The following PPP1R17 variants were observed in gnomAD, a reference collection of about 807,000 sequenced individuals.
PPP1R17 encodes the protein protein phosphatase 1 regulatory subunit 17.
A neutral mutation model predicts 15.9 loss-of-function variants in PPP1R17; 12 were observed. The observed-to-expected ratio is 0.75, with a 90% CI of 0.48 to 1.22. The LOEUF is 1.22. Ranked by LOEUF, PPP1R17 falls within the 50% of genes most tolerant of loss-of-function variation. PPP1R17 has a pLI of 0.00. For synonymous variants in PPP1R17, 63 were observed against 64.5 expected, an observed-to-expected ratio of 0.98 and a Z score of 0.11; for missense variants, 211 against 187.3, an observed-to-expected ratio of 1.13 and a Z score of -0.74.
intron 4 of PPP1R17, among the ~76,000 whole-genome samples, chr7:31,700,718 C>T (rs921826346): frequency 1.3e-5 from 2 of 152,020 alleles, no homozygotes; most frequent in Non-Finnish European, 2.9e-5. Flanking sequence ...GGGATAATGC[C>T]CCGGTGACTT....
rs528677885 is a variant in PPP1R17 at position 31,703,950 on chromosome 7, A to G, written c.389-3254A>G. Among the ~76,000 whole-genome samples the G allele has an allele frequency of 1.6e-4, 24 of 152,320 alleles. 2 individuals carry two copies. The South Asian group carries it at 5.0e-3, about 32-fold the overall frequency. ...TAGCCTACAGTTGCCAGGGGCCCTC[A>G]TCGCAGTGACTGCATGGCAGAAAGC... On this transcript the variant is annotated intron_variant, in intron 4 of 4. Coordinates refer to ENST00000342032, the MANE Select transcript of PPP1R17 (RefSeq NM_006658.5).
At chr7:31,687,841 C>T (rs949321897) in intron 1 of PPP1R17, among the ~76,000 whole-genome samples, 19 of 152,168 alleles carry the variant, frequency 1.2e-4, no homozygotes, top group African/African-American at 4.6e-4. Flanking sequence ...TGGATACAAC[C>T]TTCTACCCTT....
chr7:31,707,204 G>T lies in PPP1R17; in HGVS notation c.389G>T (p.Gly130Val), dbSNP rs1562707507. The T allele has an allele frequency of 6.2e-7, 1 of 1,613,448 alleles. No individual in the cohort carries two copies. The highest frequency in any genetic ancestry group is 8.5e-7 in the Non-Finnish European group (1 of 1,179,598). ...TGCAGGTCTGTGCTTTGTTTTGCAG[G>T]TGTGACATTGCTCAGGGACGAGAGA... ...PALHMSPFAA[G>V]VTLLRDERPK... The change falls in exon 5 of 5, where the codon GGT becomes GTT. Residue 130 changes from glycine to valine, a missense_variant and splice_region_variant. Coordinates refer to ENST00000342032, the MANE Select transcript of PPP1R17 (RefSeq NM_006658.5).
chr7:31,687,727 G>A (rs1424102168), intron 1 of PPP1R17, among the ~76,000 whole-genome samples: 3 of 152,130 alleles, frequency 2.0e-5, no homozygotes, highest in Non-Finnish European at 4.4e-5. Context: ...TTAAAAGACG[G>A]TACTTTTTGA....
chr7:31,699,757 T>A (rs146109027), intron 4 of PPP1R17, among the ~76,000 whole-genome samples: 11 of 152,314 alleles, frequency 7.2e-5, no homozygotes, highest in Non-Finnish European at 1.5e-4. Flanking sequence ...GTGTTGCATT[T>A]TAGTAGTTCT....
chr7:31,692,229 T>C (rs78444396), intron 1 of PPP1R17, among the ~76,000 whole-genome samples, 177 bp from the exon 2 acceptor site: 6,052 of 152,274 alleles, frequency 0.04, 174 homozygotes, highest in African/African-American at 0.076. Context: ...CATTTTATTT[T>C]GGCTTAAATC....
intron 4 of PPP1R17, among the ~76,000 whole-genome samples, chr7:31,697,597 C>T: frequency 6.6e-6 from 1 of 152,066 alleles, no homozygotes; most frequent in Non-Finnish European, 1.5e-5. Flanking sequence ...GAGCACAGCC[C>T]CAGTCTGTAA....
chr7:31,694,076 T>C (rs2128239945), intron 2 of PPP1R17, among the ~76,000 whole-genome samples: 1 of 152,342 alleles, frequency 6.6e-6, no homozygotes, highest in Admixed American at 6.5e-5. Context: ...TAATTGCTGC[T>C]GAAGAGTTAA....
intron 4 of PPP1R17, among the ~76,000 whole-genome samples, chr7:31,703,773 T>C (rs1342833468): frequency 1.3e-5 from 2 of 152,186 alleles, no homozygotes. Context: ...AAGTGAAAAC[T>C]GGACAAGGAT....
At chr7:31,692,816 T>A (rs1034550192) in intron 2 of PPP1R17, among the ~76,000 whole-genome samples, 1 of 152,214 alleles carries the variant, frequency 6.6e-6, no homozygotes. Flanking sequence ...AGGCAGAGCA[T>A]TTTTGAGGCA....
In PPP1R17 at chr7:31,707,290, T is replaced by C. The variant is rs1369783946; in HGVS notation, c.*7T>C. 1 of 1,610,830 alleles carries C rather than the reference T, an allele frequency of 6.2e-7. No homozygotes were observed. Among genetic ancestry groups the C allele is most frequent in the Non-Finnish European group, 8.5e-7 (1 of 1,177,172 alleles). On this transcript the variant is annotated 3_prime_UTR_variant, in exon 5 of 5. Coordinates refer to ENST00000342032, the MANE Select transcript of PPP1R17 (RefSeq NM_006658.5). ...TGACAAGATAGCTATTTAAAGATAG[T>C]TCCCCTGAGACCACTTGTAAATAGG...
chr7:31,695,846 A>C, intron 3 of PPP1R17: 1 of 356,356 alleles, frequency 2.8e-6, no homozygotes, highest in Non-Finnish European at 4.9e-6. Flanking sequence ...TTACCTACCA[A>C]TAGTGAAACC....
At chr7:31,689,339 T>C (rs1197460225) in intron 1 of PPP1R17, among the ~76,000 whole-genome samples, 1 of 152,182 alleles carries the variant, frequency 6.6e-6, no homozygotes, top group African/African-American at 2.4e-5. Flanking sequence ...CCCTAGCTTT[T>C]TGGTTGAATT....
chr7:31,694,631 G>C (rs1195738900), intron 2 of PPP1R17, among the ~76,000 whole-genome samples: 8 of 152,208 alleles, frequency 5.3e-5, no homozygotes, highest in Admixed American at 3.3e-4. Context: ...CTCCAGAAAG[G>C]CTGTGTCTGG....
chr7:31,690,814 C>CT (rs2128237926), intron 1 of PPP1R17, among the ~76,000 whole-genome samples: 1 of 152,260 alleles, frequency 6.6e-6, no homozygotes, highest in East Asian at 1.9e-4. Context: ...AAGTGTTTTA[C>CT]TAATGGTATG....
intron 2 of PPP1R17, among the ~76,000 whole-genome samples, chr7:31,695,065 G>T (rs1468832812): frequency 6.6e-6 from 1 of 152,122 alleles, no homozygotes; most frequent in Non-Finnish European, 1.5e-5. Context: ...GGAGATTTAG[G>T]TTCCATACTG....
intron 4 of PPP1R17, among the ~76,000 whole-genome samples, chr7:31,699,957 A>G (rs59289613): frequency 0.063 from 9,613 of 151,994 alleles, 362 homozygotes; most frequent in Non-Finnish European, 0.089. Context: ...CAATTCCCCT[A>G]TCTCTCTCCC....
At chr7:31,693,960 CAA>C (rs1792463515) in intron 2 of PPP1R17, among the ~76,000 whole-genome samples, 1 of 152,168 alleles carries the variant, frequency 6.6e-6, no homozygotes, top group Non-Finnish European at 1.5e-5. Flanking sequence ...CCAAAGAAGA[CAA>C]AAAGTTTCAC....
rs866874099 is a variant in PPP1R17 at position 31,704,869 on chromosome 7, A to T, written c.389-2335A>T. Among the ~76,000 whole-genome samples, 6 of 152,090 alleles carry T rather than the reference A, an allele frequency of 3.9e-5. No homozygotes were observed. In the South Asian group the frequency reaches 1.0e-3, roughly 26 times the overall value. On this transcript the variant is annotated intron_variant, in intron 4 of 4. Coordinates refer to ENST00000342032, the MANE Select transcript of PPP1R17 (RefSeq NM_006658.5). ...TTCCCCTGAAAGCATGAGGGTCAGAAGGAGGTTAAACCAGACCAGTGCTTC... is the reference window on the plus strand; with the variant it reads ...TTCCCCTGAAAGCATGAGGGTCAGATGGAGGTTAAACCAGACCAGTGCTTC...
Sources: allele counts gnomAD v4.1 joint callset (sites outside exome capture counted in the v4.1 genomes callset), GRCh38; gene constraint gnomAD v4.1.1; transcripts MANE v1.5; gene names NCBI Gene and HGNC (gene_info 2026-07-23, HGNC 2026-07-21).